The following LRRC8D variants were observed in gnomAD, a reference collection of about 807,000 sequenced individuals.
The protein encoded by LRRC8D is leucine rich repeat containing 8 VRAC subunit D.
In LRRC8D, 20 loss-of-function variants were observed where a neutral mutation model predicts 55.8. The ratio of observed to expected loss-of-function variants is 0.36; its 90% CI spans 0.25 to 0.52. LRRC8D has a LOEUF of 0.52. LRRC8D is among the 20% of genes least tolerant of loss of function. The pLI is 0.93. For missense variants in LRRC8D, 651 were observed against 1,030.8 expected, an observed-to-expected ratio of 0.63 and a Z score of 5.05; for synonymous variants, 352 against 377.0, an observed-to-expected ratio of 0.93 and a Z score of 0.77.
intron 2 of LRRC8D, among the ~76,000 whole-genome samples, chr1:89,859,543 C>T (rs1661647528): frequency 6.6e-6 from 1 of 151,988 alleles, no homozygotes; most frequent in South Asian, 2.1e-4. Context: ...AAGAAATAAT[C>T]CTCTCATTAT....
At chr1:89,843,599 A>C in intron 1 of LRRC8D, 39 bp from the exon 2 acceptor site, 2 of 687,194 alleles carry the variant, frequency 2.9e-6, no homozygotes, top group Non-Finnish European at 5.3e-6. Flanking sequence ...CGACACTTGG[A>C]TCTCTCTAGC....
At position 89,934,711 on chromosome 1, in the gene LRRC8D, A is replaced by T; in HGVS notation, c.1643A>T (p.Asp548Val). 1 of 1,614,212 alleles carries T rather than the reference A, an allele frequency of 6.2e-7. No homozygotes were observed. Among genetic ancestry groups the T allele is most frequent in the Non-Finnish European group, 8.5e-7 (1 of 1,180,042 alleles). The change falls in exon 3 of 3, where the codon GAT becomes GTT. Residue 548 changes from aspartate (D) to valine (V), a missense_variant. Transcript: ENST00000337338. This position sits in a 1 kb window ranked among gnomAD's most constrained non-coding sequence, Gnocchi z 5.9. ...HLRCLHVKFT[D>V]VAEIPAWVYL... ...AGATGCCTTCACGTGAAGTTCACTGATGTGGCTGAAATTCCTGCCTGGGTG... is the reference window on the plus strand; with the variant it reads ...AGATGCCTTCACGTGAAGTTCACTGTTGTGGCTGAAATTCCTGCCTGGGTG...
intron 2 of LRRC8D, among the ~76,000 whole-genome samples, chr1:89,850,978 T>A (rs190700133): frequency 1.8e-4 from 27 of 152,294 alleles, no homozygotes; most frequent in Middle Eastern, 3.4e-3. Flanking sequence ...TTTCTAGAAA[T>A]GTGTCGACCT....
At chr1:89,926,821 G>A (rs995578007) in intron 2 of LRRC8D, among the ~76,000 whole-genome samples, 1 of 152,224 alleles carries the variant, frequency 6.6e-6, no homozygotes, top group Non-Finnish European at 1.5e-5. Context: ...AGGTAATCTG[G>A]TAGGAAGAAC....
At chr1:89,924,312 T>A (rs929962214) in intron 2 of LRRC8D, among the ~76,000 whole-genome samples, 5 of 152,002 alleles carry the variant, frequency 3.3e-5, no homozygotes, top group African/African-American at 1.2e-4. Context: ...AACAAATATA[T>A]GAAAAAATGC....
At chr1:89,829,695 C>A (rs6428566) in intron 1 of LRRC8D, among the ~76,000 whole-genome samples, 5,223 of 152,276 alleles carry the variant, frequency 0.034, 239 homozygotes, top group African/African-American at 0.093. Flanking sequence ...AGCGGCATCC[C>A]GGCATTTAGG....
chr1:89,847,061 G>T (rs1258452566), intron 2 of LRRC8D, among the ~76,000 whole-genome samples: 2 of 152,084 alleles, frequency 1.3e-5, no homozygotes, highest in African/African-American at 2.4e-5. Context: ...GCAAACCCAT[G>T]TAACTTTAAA....
At chr1:89,844,063 CT>C (rs926459246) in intron 2 of LRRC8D, among the ~76,000 whole-genome samples, 1 of 152,218 alleles carries the variant, frequency 6.6e-6, no homozygotes, top group African/African-American at 2.4e-5. Flanking sequence ...GCTGCCAGTG[CT>C]CGGGGAGTCT....
At chr1:89,913,747 G>A (rs1428845757) in intron 2 of LRRC8D, among the ~76,000 whole-genome samples, 1 of 152,172 alleles carries the variant, frequency 6.6e-6, no homozygotes, top group African/African-American at 2.4e-5. Context: ...TTTCTAAGTG[G>A]AAGAATTATT....
At chr1:89,832,365 G>A (rs2100712486) in intron 1 of LRRC8D, among the ~76,000 whole-genome samples, 1 of 152,276 alleles carries the variant, frequency 6.6e-6, no homozygotes, top group African/African-American at 2.4e-5. Flanking sequence ...ATTTTCTGTG[G>A]GGAGGGGAAC....
chr1:89,866,019 A>G (rs949093241), intron 2 of LRRC8D, among the ~76,000 whole-genome samples: 1 of 152,192 alleles, frequency 6.6e-6, no homozygotes, highest in Non-Finnish European at 1.5e-5. Flanking sequence ...TCCTCTTTAT[A>G]ATTTTTGAAT....
intron 1 of LRRC8D, among the ~76,000 whole-genome samples, chr1:89,839,889 A>C (rs189593421): frequency 1.2e-4 from 18 of 152,362 alleles, no homozygotes; most frequent in Non-Finnish European, 2.5e-4. Context: ...TGTGGCAAAC[A>C]TTTTTAACCG....
chr1:89,875,810 G>A (rs1662133799), intron 2 of LRRC8D, among the ~76,000 whole-genome samples: 1 of 152,180 alleles, frequency 6.6e-6, no homozygotes, highest in African/African-American at 2.4e-5. Context: ...TCACAAGAAC[G>A]CTTTGTATAC....
chr1:89,921,347 C>A (rs1446280996), intron 2 of LRRC8D, among the ~76,000 whole-genome samples: 1 of 151,984 alleles, frequency 6.6e-6, no homozygotes, highest in Admixed American at 6.6e-5. Flanking sequence ...TCAAAAAAAA[C>A]AACAAAAAAG....
At position 89,922,023 on chromosome 1, in the gene LRRC8D, G is replaced by A. The variant is rs554085225; in HGVS notation, c.-2-11044G>A. On this transcript the variant is annotated intron_variant, in intron 2 of 2. Transcript: ENST00000337338. The stretch of plus-strand genomic sequence containing the variant: ...TTTGAATCCAGGTCTCTTGGGCATC[G>A]GAGTTGTGCTCTTTCTAGTATCATT... 1.4e-4 allele frequency among the ~76,000 whole-genome samples: 21 copies of A among 152,144 alleles called. 1 individual carries two copies. In the Middle Eastern group the frequency reaches 0.01, roughly 74 times the overall value.
intron 1 of LRRC8D, among the ~76,000 whole-genome samples, chr1:89,831,502 G>A (rs180947878): frequency 6.6e-6 from 1 of 152,204 alleles, no homozygotes; most frequent in Admixed American, 6.5e-5. Context: ...GAGCCACTTG[G>A]AGTTGAGTAA....
At chr1:89,836,386 A>C (rs886262817) in intron 1 of LRRC8D, among the ~76,000 whole-genome samples, 1 of 152,162 alleles carries the variant, frequency 6.6e-6, no homozygotes, top group Non-Finnish European at 1.5e-5. Flanking sequence ...TGCCTTCTCT[A>C]CTGTTCTTTG....
chr1:89,849,185 T>A (rs1240251065), intron 2 of LRRC8D, among the ~76,000 whole-genome samples: 2 of 152,216 alleles, frequency 1.3e-5, no homozygotes, highest in Non-Finnish European at 2.9e-5. Flanking sequence ...TTGTTTAGTC[T>A]TACCTACCCT....
At chr1:89,845,164 G>T (rs2100750355) in intron 2 of LRRC8D, among the ~76,000 whole-genome samples, 1 of 152,282 alleles carries the variant, frequency 6.6e-6, no homozygotes, top group African/African-American at 2.4e-5. Flanking sequence ...TTCTGATGCT[G>T]AAAATTTTAT....
Sources: allele counts gnomAD v4.1 joint callset (sites outside exome capture counted in the v4.1 genomes callset), GRCh38; gene constraint gnomAD v4.1.1; non-coding constraint Gnocchi (gnomAD v3.1); transcripts MANE v1.5; gene names NCBI Gene and HGNC (gene_info 2026-07-23, HGNC 2026-07-21).